The following TBPL2 variants were observed in gnomAD, a reference collection of about 807,000 sequenced individuals.
The protein encoded by TBPL2 is TATA box-binding protein-like 2.
In TBPL2, 40 loss-of-function variants were observed where a neutral mutation model predicts 38.2. The observed-to-expected ratio is 1.05, with a 90% CI of 0.81 to 1.36. The LOEUF is 1.36. Among genes scored for constraint, TBPL2 ranks in the 40% most tolerant of loss-of-function variants. The pLI, the probability that TBPL2 is intolerant of heterozygous loss-of-function variation, is 0.00. For missense variants in TBPL2, 461 were observed against 456.7 expected, an observed-to-expected ratio of 1.01 and a Z score of -0.09; for synonymous variants, 169 against 171.7, an observed-to-expected ratio of 0.98 and a Z score of 0.12.
At chr14:55,424,866 GCTT>G (rs1191688969) in intron 5 of TBPL2, among the ~76,000 whole-genome samples, 1 of 152,132 alleles carries the variant, frequency 6.6e-6, no homozygotes. Flanking sequence ...GCACTTAAGA[GCTT>G]CTTCTCCACA....
chr14:55,419,112 G>A (rs1885707855), intron 6 of TBPL2, among the ~76,000 whole-genome samples: 1 of 152,234 alleles, frequency 6.6e-6, no homozygotes, highest in Non-Finnish European at 1.5e-5. Flanking sequence ...TTAAGAAGTT[G>A]GCCAGGAGAC....
At chr14:55,420,028 T>C (rs566018483) in intron 6 of TBPL2, among the ~76,000 whole-genome samples, 1 of 152,336 alleles carries the variant, frequency 6.6e-6, no homozygotes, top group South Asian at 2.1e-4. Context: ...CTTGGTTCCT[T>C]TCCTGAGGTG....
At chr14:55,430,772 C>T (rs1414076008) in intron 4 of TBPL2, among the ~76,000 whole-genome samples, 3 of 152,248 alleles carry the variant, frequency 2.0e-5, no homozygotes, top group African/African-American at 7.2e-5. Flanking sequence ...TCACCCACTT[C>T]TCACTCTTGA....
At chr14:55,430,817 A>G (rs1885913950) in intron 4 of TBPL2, among the ~76,000 whole-genome samples, 1 of 152,222 alleles carries the variant, frequency 6.6e-6, no homozygotes, top group Non-Finnish European at 1.5e-5. Flanking sequence ...CCAGGTTAGC[A>G]GTAAAATAAA....
At chr14:55,422,295 A>G (rs956258729) in intron 6 of TBPL2, among the ~76,000 whole-genome samples, 3 of 152,114 alleles carry the variant, frequency 2.0e-5, no homozygotes, top group African/African-American at 7.2e-5. Flanking sequence ...TAAAAAGACA[A>G]AAGTAGACTA....
At chr14:55,427,718 C>T (rs1478111286) in intron 5 of TBPL2, among the ~76,000 whole-genome samples, 2 of 151,562 alleles carry the variant, frequency 1.3e-5, no homozygotes, top group Admixed American at 1.3e-4. Flanking sequence ...CGGCTGGGGG[C>T]GGGGGAGGAG....
exon 7 of TBPL2, chr14:55,414,300 G>C (rs17128455): frequency 7.1e-5 from 77 of 1,086,744 alleles, no homozygotes; most frequent in Non-Finnish European, 9.9e-5. Flanking sequence ...ACAATTAAAC[G>C]TAGAAGAATC....
chr14:55,434,560 C>G (rs576672685), intron 3 of TBPL2, among the ~76,000 whole-genome samples: 17 of 152,280 alleles, frequency 1.1e-4, no homozygotes, highest in Admixed American at 7.2e-4. Flanking sequence ...CCACCCCTAC[C>G]CCTCGTCCAA....
At chr14:55,421,811 A>G (rs1043549676) in intron 6 of TBPL2, among the ~76,000 whole-genome samples, 1 of 152,182 alleles carries the variant, frequency 6.6e-6, no homozygotes, top group Non-Finnish European at 1.5e-5. Context: ...AGAAAAGCAA[A>G]CTATACAACT....
At chr14:55,439,457 T>C (rs1886069980) in intron 1 of TBPL2, among the ~76,000 whole-genome samples, 1 of 151,676 alleles carries the variant, frequency 6.6e-6, no homozygotes, top group Non-Finnish European at 1.5e-5. Flanking sequence ...CTGAAGTCAC[T>C]ACAGCTAGCA....
At chr14:55,425,951 T>C (rs1351102496) in intron 5 of TBPL2, among the ~76,000 whole-genome samples, 2 of 152,200 alleles carry the variant, frequency 1.3e-5, no homozygotes, top group African/African-American at 4.8e-5. Flanking sequence ...CAAGTATTTA[T>C]ATCAGGATAC....
chr14:55,440,479 G>T, exon 1 of TBPL2: 1 of 1,612,654 alleles, frequency 6.2e-7, no homozygotes, highest in Non-Finnish European at 8.5e-7. Context: ...GGGGGTGGGG[G>T]CGGGTAAGAG....
chr14:55,429,884 AT>A (rs140383623), intron 4 of TBPL2, among the ~76,000 whole-genome samples: 12,488 of 152,054 alleles, frequency 0.082, 533 homozygotes, highest in African/African-American at 0.098. Flanking sequence ...CAGACAAGGT[AT>A]CAGTTCTTGA....
chr14:55,416,138 T>C (rs1159436337), intron 6 of TBPL2, among the ~76,000 whole-genome samples: 4 of 152,072 alleles, frequency 2.6e-5, no homozygotes, highest in Admixed American at 6.6e-5. Context: ...TTTGGAGCAA[T>C]AGAAATGTTT....
At chr14:55,425,241 A>C (rs1274365999) in intron 5 of TBPL2, among the ~76,000 whole-genome samples, 1 of 152,182 alleles carries the variant, frequency 6.6e-6, no homozygotes, top group African/African-American at 2.4e-5. Context: ...GTCTTACTGC[A>C]GGGAGCCTGT....
chr14:55,415,836 A>G (rs1329791647), intron 6 of TBPL2, among the ~76,000 whole-genome samples: 2 of 152,250 alleles, frequency 1.3e-5, no homozygotes, highest in Non-Finnish European at 2.9e-5. Flanking sequence ...ATTACACTCC[A>G]GCCTGGGCGA....
intron 6 of TBPL2, among the ~76,000 whole-genome samples, chr14:55,418,479 T>A (rs1885699104): frequency 1.3e-5 from 2 of 152,278 alleles, no homozygotes; most frequent in Middle Eastern, 6.8e-3. Context: ...TTTGTAAAAA[T>A]AGCATTGCAC....
intron 6 of TBPL2, among the ~76,000 whole-genome samples, chr14:55,416,847 A>T (rs1885676361): frequency 6.6e-6 from 1 of 152,222 alleles, no homozygotes; most frequent in South Asian, 2.1e-4. Flanking sequence ...TTCTTTTCAT[A>T]TTTAATTGAG....
At chr14:55,433,030 T>C (rs1375973600) in intron 4 of TBPL2, among the ~76,000 whole-genome samples, 1 of 152,216 alleles carries the variant, frequency 6.6e-6, no homozygotes, top group Non-Finnish European at 1.5e-5. Flanking sequence ...ATCATTACTG[T>C]AACTTAAAAA....
Sources: allele counts gnomAD v4.1 joint callset (sites outside exome capture counted in the v4.1 genomes callset), GRCh38; gene constraint gnomAD v4.1.1; transcripts MANE v1.5; gene names NCBI Gene and HGNC (gene_info 2026-07-23, HGNC 2026-07-21).